ENTREP2: variants seen among roughly 807,000 people sequenced by gnomAD.
ENTREP2 encodes the protein protein ENTREP2.
the ENTREP2 span, among the ~76,000 whole-genome samples, chr15:29,393,834 A>G: frequency 6.6e-6 from 1 of 152,110 alleles, no homozygotes; most frequent in Non-Finnish European, 1.5e-5. Context: ...TATTCCACAT[A>G]TCCTATTATT....
chr15:29,363,750 A>G, the ENTREP2 span, among the ~76,000 whole-genome samples: 29 of 152,240 alleles, frequency 1.9e-4, no homozygotes, highest in Admixed American at 5.2e-4. Context: ...ACAGTTGTCT[A>G]TAAGTTTCCA....
the ENTREP2 span, chr15:29,121,512 G>A: frequency 6.6e-6 from 1 of 152,252 alleles, no homozygotes; most frequent in Non-Finnish European, 1.5e-5. Context: ...TGGAGATTCA[G>A]AGGCCAGGGC....
the ENTREP2 span, among the ~76,000 whole-genome samples, chr15:29,207,250 T>C: frequency 6.6e-6 from 1 of 152,192 alleles, no homozygotes; most frequent in South Asian, 2.1e-4. Flanking sequence ...GCATTTGGAC[T>C]GGCATTGTGT....
the ENTREP2 span, among the ~76,000 whole-genome samples, chr15:29,584,455 G>GTA: frequency 6.6e-6 from 1 of 151,898 alleles, no homozygotes; most frequent in African/African-American, 2.4e-5. Context: ...GTGTGTGTGT[G>GTA]TGTGTGTATG....
the ENTREP2 span, among the ~76,000 whole-genome samples, chr15:29,282,493 G>T: frequency 6.6e-6 from 1 of 152,146 alleles, no homozygotes; most frequent in African/African-American, 2.4e-5. Flanking sequence ...CTCAGTGAGT[G>T]GTCCATTGTG....
the ENTREP2 span, among the ~76,000 whole-genome samples, chr15:29,637,201 G>A: frequency 6.6e-6 from 1 of 152,172 alleles, no homozygotes; most frequent in Non-Finnish European, 1.5e-5. Flanking sequence ...CCTTGAGAAA[G>A]CCAGCCCCTG....
At chr15:29,300,156 ATGGATGGATGGATG>A in the ENTREP2 span, among the ~76,000 whole-genome samples, 1 of 57,744 alleles carries the variant, frequency 1.7e-5, no homozygotes, top group African/African-American at 1.3e-4. Flanking sequence ...TGGATAATGG[ATGGATGGATGGATG>A]GATGGATGGA....
the ENTREP2 span, among the ~76,000 whole-genome samples, chr15:29,167,124 G>A: frequency 6.6e-6 from 1 of 152,104 alleles, no homozygotes; most frequent in Non-Finnish European, 1.5e-5. Context: ...ACATGTAGGA[G>A]AATGAAACTG....
At chr15:29,369,692 A>G in the ENTREP2 span, among the ~76,000 whole-genome samples, 2 of 152,224 alleles carry the variant, frequency 1.3e-5, no homozygotes, top group African/African-American at 2.4e-5. Flanking sequence ...ATGATTAAAG[A>G]TAACTACATG....
At chr15:29,308,350 T>C in the ENTREP2 span, among the ~76,000 whole-genome samples, 1 of 150,868 alleles carries the variant, frequency 6.6e-6, no homozygotes. Context: ...CACTCCAGCC[T>C]GGCTGACAGA....
At chr15:29,133,128 C>T in the ENTREP2 span, among the ~76,000 whole-genome samples, 541 of 152,272 alleles carry the variant, frequency 3.6e-3, 4 homozygotes, top group Middle Eastern at 3.4e-3. Flanking sequence ...TTCCCAGGGG[C>T]TTCCCTCACG....
the ENTREP2 span, among the ~76,000 whole-genome samples, chr15:29,349,104 G>C: frequency 2.0e-5 from 3 of 152,144 alleles, no homozygotes; most frequent in Non-Finnish European, 4.4e-5. Flanking sequence ...CTTCTTTCCA[G>C]ACCCCCCGAA....
the ENTREP2 span, among the ~76,000 whole-genome samples, chr15:29,297,313 G>A: frequency 7.2e-5 from 11 of 152,264 alleles, no homozygotes; most frequent in East Asian, 1.7e-3. Flanking sequence ...AACAGTGTAC[G>A]CATCATAGGG....
the ENTREP2 span, chr15:29,266,135 G>C: frequency 6.6e-6 from 1 of 152,124 alleles, no homozygotes. Flanking sequence ...AATAGAAATA[G>C]GTCTAAGACA....
the ENTREP2 span, among the ~76,000 whole-genome samples, chr15:29,559,281 T>C: frequency 6.6e-6 from 1 of 152,068 alleles, no homozygotes; most frequent in Non-Finnish European, 1.5e-5. Flanking sequence ...ATCTAAACAG[T>C]GTGGAAGCCA....
the ENTREP2 span, among the ~76,000 whole-genome samples, chr15:29,599,535 C>T: frequency 6.6e-6 from 1 of 152,190 alleles, no homozygotes; most frequent in East Asian, 1.9e-4. Context: ...GGGTCCACTA[C>T]CTAACACCAG....
chr15:29,423,089 C>T, the ENTREP2 span, among the ~76,000 whole-genome samples: 18 of 152,234 alleles, frequency 1.2e-4, no homozygotes, highest in Middle Eastern at 3.4e-3. Flanking sequence ...TGCAGAGTCA[C>T]GGTGCACATG....
the ENTREP2 span, among the ~76,000 whole-genome samples, chr15:29,435,261 T>C: frequency 6.6e-6 from 1 of 152,146 alleles, no homozygotes; most frequent in African/African-American, 2.4e-5. Context: ...ATCCACTCTG[T>C]GCTCCCCACT....
the ENTREP2 span, among the ~76,000 whole-genome samples, chr15:29,344,955 CACA>C: frequency 5.3e-5 from 8 of 151,980 alleles, no homozygotes; most frequent in African/African-American, 1.7e-4. Flanking sequence ...CACACACACA[CACA>C]CACACACACA....
Sources: gnomAD v4.1 joint callset for allele counts (sites outside exome capture counted in the v4.1 genomes callset) on GRCh38, gnomAD v4.1.1 for gene constraint, MANE v1.5 for transcripts, NCBI Gene and HGNC (gene_info 2026-07-23, HGNC 2026-07-21) for gene names.